Variants in RBFOX1 observed in about 807,000 individuals in gnomAD.
RBFOX1 encodes RNA binding protein fox-1 homolog 1.
RBFOX1 carries 8 observed loss-of-function variants against 57.7 expected under a neutral mutation model. That is an observed-to-expected ratio of 0.14 (90% CI 0.08 to 0.25). The LOEUF (loss-of-function observed/expected upper bound fraction) is 0.25, where lower values mean the gene tolerates loss of function less well. Among genes scored for constraint, RBFOX1 ranks in the 10% least tolerant of loss-of-function variants. The probability of loss-of-function intolerance (pLI) is 1.00; values close to 1 mark genes in which losing one functional copy is unlikely to be tolerated. For synonymous variants in RBFOX1, 326 were observed against 222.4 expected (o/e 1.47, Z -4.15); for missense variants, 611 against 548.5 (o/e 1.11, Z -1.14).
intron 3 of RBFOX1, among the ~76,000 whole-genome samples, chr16:5,756,134 G>A (rs1014352958): frequency 6.7e-6 from 1 of 149,726 alleles, no homozygotes; most frequent in African/African-American, 2.5e-5. Flanking sequence ...GGTGCCTCAG[G>A]GACTTACAAA....
intron 2 of RBFOX1, among the ~76,000 whole-genome samples, chr16:6,557,418 A>G (rs1451160500): frequency 1.3e-5 from 2 of 152,182 alleles, no homozygotes; most frequent in Non-Finnish European, 2.9e-5. Flanking sequence ...AGACTGGGAC[A>G]GTACGATTTC....
intron 3 of RBFOX1, among the ~76,000 whole-genome samples, chr16:7,045,335 T>C (rs191594746): frequency 6.6e-6 from 1 of 152,302 alleles, no homozygotes; most frequent in East Asian, 1.9e-4. Flanking sequence ...TATGGGATGC[T>C]GTGCAGGGAA....
intron 1 of RBFOX1, among the ~76,000 whole-genome samples, chr16:6,131,366 A>G (rs919184606): frequency 2.6e-5 from 4 of 152,232 alleles, no homozygotes; most frequent in African/African-American, 4.8e-5. Context: ...CTGCTTTTGC[A>G]CTAAGGTAAC....
At chr16:6,198,193 A>G (rs772630269) in intron 1 of RBFOX1, among the ~76,000 whole-genome samples, 1 of 152,192 alleles carries the variant, frequency 6.6e-6, no homozygotes, top group Admixed American at 6.5e-5. Flanking sequence ...AAACACAAGG[A>G]TGATTTTTAT....
At chr16:6,410,707 G>GTGTC (rs1373256463) in intron 2 of RBFOX1, among the ~76,000 whole-genome samples, 1 of 152,182 alleles carries the variant, frequency 6.6e-6, no homozygotes, top group Admixed American at 6.5e-5. Context: ...TGAATCACGT[G>GTGTC]TGTCTATCCA....
chr16:5,825,929 CG>C lies in RBFOX1; in HGVS notation c.319-41373del, dbSNP rs1173260594. ...GTAATATGAATAAGGAATAATATTC[CG>C]TAATATGAATAAGGAATAATATTCC... On this transcript the variant is annotated intron_variant, in intron 3 of 19. Coordinates refer to the RBFOX1 transcript ENST00000641259. 8.9e-4 allele frequency among the ~76,000 whole-genome samples: 31 copies of C among 34,670 alleles called. 3 individuals are homozygous for C. The highest frequency in any genetic ancestry group is 1.9e-3 in the African/African-American group (11 of 5,866). The allele number at this position is 34,670 out of a possible 152,430, so 22.7% of individuals were successfully genotyped here. A position where few individuals can be genotyped will look rare whatever the true frequency, so the allele number is the denominator to read the frequency against.
At chr16:6,746,886 A>G (rs972627494) in intron 3 of RBFOX1, among the ~76,000 whole-genome samples, 1 of 152,084 alleles carries the variant, frequency 6.6e-6, no homozygotes, top group Non-Finnish European at 1.5e-5. Flanking sequence ...AGTTCATAGA[A>G]ACTCCATCTC....
At chr16:6,437,133 C>G (rs1021008124) in intron 2 of RBFOX1, among the ~76,000 whole-genome samples, 4 of 152,148 alleles carry the variant, frequency 2.6e-5, no homozygotes, top group East Asian at 3.9e-4. Flanking sequence ...TTTGCACAGA[C>G]ACTATTTTAG....
At chr16:5,807,971 T>C (rs1445356617) in intron 3 of RBFOX1, among the ~76,000 whole-genome samples, 1 of 152,184 alleles carries the variant, frequency 6.6e-6, no homozygotes, top group East Asian at 1.9e-4. Context: ...TTCTTTCAAT[T>C]TCCTCCTTCC....
At chr16:5,365,846 T>C (rs2065698519) in intron 1 of RBFOX1, 1 of 516,368 alleles carries the variant, frequency 1.9e-6, no homozygotes, top group Admixed American at 2.0e-5. Flanking sequence ...CCCAGAACTG[T>C]CTTTTCGGGT....
intron 2 of RBFOX1, among the ~76,000 whole-genome samples, chr16:6,529,669 A>G (rs2096629615): frequency 6.6e-6 from 1 of 152,096 alleles, no homozygotes; most frequent in Non-Finnish European, 1.5e-5. Context: ...TACTACAGGT[A>G]TATTGAAATA....
Position 5,809,768 on chromosome 16 carries a change from G to A in RBFOX1, c.319-57535G>A, listed in dbSNP as rs201526023. 0.012 allele frequency among the ~76,000 whole-genome samples: 1,798 copies of A among 152,234 alleles called. 71 individuals carry two copies. In the East Asian group the frequency reaches 0.12, roughly 10 times the overall value. On this transcript the variant is annotated intron_variant, in intron 3 of 19. Transcript: ENST00000641259. ...CAACCATTGTGGAAGTCAGTGTGGC[G>A]ATTCCTCAGGGATCTAGAACTAGAA...
chr16:6,846,087 T>C (rs1402008617), intron 3 of RBFOX1, among the ~76,000 whole-genome samples: 1 of 152,218 alleles, frequency 6.6e-6, no homozygotes. Context: ...CATATTTCTG[T>C]ACCACTAAAA....
At chr16:7,666,240 T>C (rs2069219482) in intron 13 of RBFOX1, among the ~76,000 whole-genome samples, 1 of 152,028 alleles carries the variant, frequency 6.6e-6, no homozygotes, top group Non-Finnish European at 1.5e-5. Context: ...AGCCCATGGG[T>C]AGATTATTGC....
chr16:7,370,161 C>T (rs1023022430), intron 4 of RBFOX1, among the ~76,000 whole-genome samples: 2 of 152,174 alleles, frequency 1.3e-5, no homozygotes, highest in African/African-American at 2.4e-5. Context: ...CCTGTGGATA[C>T]CAGTAGCACC....
At chr16:5,861,162 A>T (rs2151886485) in intron 3 of RBFOX1, among the ~76,000 whole-genome samples, 1 of 152,218 alleles carries the variant, frequency 6.6e-6, no homozygotes, top group South Asian at 2.1e-4. Context: ...CTATCATGGA[A>T]CCATGTAGGA....
At chr16:5,436,107 G>A (rs2067910212) in intron 1 of RBFOX1, among the ~76,000 whole-genome samples, 1 of 152,118 alleles carries the variant, frequency 6.6e-6, no homozygotes, top group African/African-American at 2.4e-5. Context: ...GGAGGGGAGG[G>A]GGCAGTCCTA....
At chr16:7,071,306 G>C (rs758110332) in intron 4 of RBFOX1, among the ~76,000 whole-genome samples, 1 of 152,030 alleles carries the variant, frequency 6.6e-6, no homozygotes, top group Non-Finnish European at 1.5e-5. Context: ...GGTGTGAAAA[G>C]GTAGGTATAT....
At chr16:6,752,713 C>A (rs534868053) in intron 3 of RBFOX1, among the ~76,000 whole-genome samples, 8 of 152,150 alleles carry the variant, frequency 5.3e-5, no homozygotes, top group Admixed American at 5.2e-4. Flanking sequence ...AACAGGTGCA[C>A]CTATCTTGAT....
Sources: allele counts gnomAD v4.1 joint callset (sites outside exome capture counted in the v4.1 genomes callset), GRCh38; gene constraint gnomAD v4.1.1; transcripts MANE v1.5; gene names NCBI Gene and HGNC (gene_info 2026-07-23, HGNC 2026-07-21).